Variants in MAP1LC3B observed in about 807,000 individuals in gnomAD.
MAP1LC3B encodes the protein microtubule-associated protein 1 light chain 3 beta.
In MAP1LC3B, 12 loss-of-function variants were observed where a neutral mutation model predicts 16.7. That is an observed-to-expected ratio of 0.72 (90% CI 0.46 to 1.16). The LOEUF (loss-of-function observed/expected upper bound fraction) is 1.16. MAP1LC3B is among the 50% of genes most tolerant of loss of function. MAP1LC3B has a pLI of 0.00. For synonymous variants in MAP1LC3B, 63 were observed against 56.5 expected, an observed-to-expected ratio of 1.11 and a Z score of -0.51; for missense variants, 155 against 159.5, an observed-to-expected ratio of 0.97 and a Z score of 0.15.
chr16:87,403,606 A>G lies in MAP1LC3B; in HGVS notation c.*509A>G, dbSNP rs536064674. 6.5e-6 allele frequency: 1 copy of G among 153,460 alleles called. No individual in the cohort carries two copies. Among genetic ancestry groups the G allele is most frequent in the South Asian group, 2.0e-4 (1 of 4,890 alleles). 9.5% of individuals were successfully genotyped at this position (153,460 alleles called of 1,614,324 possible). On this transcript the variant is annotated 3_prime_UTR_variant, in exon 4 of 4. Coordinates refer to ENST00000268607, the MANE Select transcript of MAP1LC3B (RefSeq NM_022818.5). ...CCCCGCAAAACGCATTTGCCATCAC[A>G]GTTGGCACAAACGCAGGGTAAACGG...
rs191511043 is a variant in MAP1LC3B at position 87,393,006 on chromosome 16, G to A, written c.40+539G>A. 3 of 152,260 alleles carry A rather than the reference G, an allele frequency of 2.0e-5. No homozygotes were observed. In the East Asian group the frequency reaches 5.8e-4, roughly 29 times the overall value. The allele number at this position is 152,260 out of a possible 1,614,324, so 9.4% of individuals were successfully genotyped here. ...GCGAGTGCCTCTTACAGACCTCAGTGCCTCGGTCGAGAGGAGGGGAATGTG... is the reference window on the plus strand; with the variant it reads ...GCGAGTGCCTCTTACAGACCTCAGTACCTCGGTCGAGAGGAGGGGAATGTG... On this transcript the variant is annotated intron_variant, in intron 1 of 3. Coordinates refer to ENST00000268607, the MANE Select transcript of MAP1LC3B (RefSeq NM_022818.5).
rs1908112147 is a variant in MAP1LC3B at position 87,404,577 on chromosome 16, G to C, written c.*1480G>C. The C allele has an allele frequency of 6.6e-6, 1 of 151,942 alleles. No homozygotes were observed. The highest frequency in any genetic ancestry group is 2.4e-5 in the African/African-American group (1 of 41,330). The allele number at this position is 151,942 out of a possible 1,614,324, so 9.4% of individuals were successfully genotyped here. ...ATTCTTAACTGGACTGTCTCGTTTA[G>C]ACTGTATACATCATATCTGACATTA... On this transcript the variant is annotated 3_prime_UTR_variant, in exon 4 of 4. Transcript: ENST00000268607.
At chr16:87,396,421 G>C (rs1469858509) in intron 1 of MAP1LC3B, among the ~76,000 whole-genome samples, 2 of 150,924 alleles carry the variant, frequency 1.3e-5, no homozygotes, top group Non-Finnish European at 2.9e-5. Flanking sequence ...CTTGCAGTGA[G>C]CAGAGATCGC....
At chr16:87,393,045 T>G (rs1057126913) in intron 1 of MAP1LC3B, 2 of 152,358 alleles carry the variant, frequency 1.3e-5, no homozygotes, top group East Asian at 3.9e-4. Context: ...GGCCCCGGCC[T>G]CGCCGCGCCC....
intron 1 of MAP1LC3B, among the ~76,000 whole-genome samples, chr16:87,396,080 C>CT (rs1907791372): frequency 2.6e-5 from 4 of 151,214 alleles, no homozygotes; most frequent in Admixed American, 2.6e-4. Context: ...AGGATGGTCT[C>CT]TAACTCCTGA....
intron 1 of MAP1LC3B, among the ~76,000 whole-genome samples, chr16:87,396,108 G>A (rs1013422964): frequency 6.6e-6 from 1 of 151,250 alleles, no homozygotes; most frequent in Non-Finnish European, 1.5e-5. Flanking sequence ...TGATCCGCCC[G>A]CCTTGGCCTC....
At position 87,403,286 on chromosome 16, in the gene MAP1LC3B, C is replaced by G. The variant is rs1218185408; in HGVS notation, c.*189C>G. 23 of 522,746 alleles carry G rather than the reference C, an allele frequency of 4.4e-5. No individual in the cohort carries two copies. In the East Asian group the frequency reaches 7.2e-4, roughly 16 times the overall value. The allele number at this position is 522,746 out of a possible 1,614,324, so 32.4% of individuals were successfully genotyped here. On this transcript the variant is annotated 3_prime_UTR_variant, in exon 4 of 4. Transcript: ENST00000268607. ...AAACTGAGCTCCAAGTGAGCACATT[C>G]AGCTTTGGAAACTATATTATTTAAT...
chr16:87,404,668 A>G lies in MAP1LC3B; in HGVS notation c.*1571A>G, dbSNP rs1232818960. 2 of 152,226 alleles carry G rather than the reference A, an allele frequency of 1.3e-5. No homozygotes were observed. The highest frequency in any genetic ancestry group is 2.9e-5 in the Non-Finnish European group (2 of 68,046). The allele number at this position is 152,226 out of a possible 1,614,324, so 9.4% of individuals were successfully genotyped here. On this transcript the variant is annotated 3_prime_UTR_variant, in exon 4 of 4. Coordinates refer to ENST00000268607, the MANE Select transcript of MAP1LC3B (RefSeq NM_022818.5). ...ACTGCTTTTTAAGAAAAAAAATAAC[A>G]TGCTGAGGGGTGACCTATATCCCAT...
chr16:87,392,883 G>T (rs1442677789), intron 1 of MAP1LC3B: 1 of 152,048 alleles, frequency 6.6e-6, no homozygotes, highest in Non-Finnish European at 1.5e-5. Context: ...ACAGCCCCCG[G>T]GGCCGCGCTG....
intron 1 of MAP1LC3B, among the ~76,000 whole-genome samples, chr16:87,396,332 G>C (rs999390194): frequency 1.3e-5 from 2 of 151,756 alleles, no homozygotes; most frequent in African/African-American, 4.8e-5. Flanking sequence ...AAAATTAGCC[G>C]GGCGTGGTGG....
In MAP1LC3B at chr16:87,397,615, C is replaced by T. The variant is rs138487685; in HGVS notation, c.41-1200C>T. ...CCTGGGCAACAGAGTGAGACTCTGT[C>T]TCAAAAAAAGAATGATACTAAAATT... On this transcript the variant is annotated intron_variant, in intron 1 of 3. Coordinates refer to ENST00000268607, the MANE Select transcript of MAP1LC3B (RefSeq NM_022818.5). 1.4e-4 allele frequency among the ~76,000 whole-genome samples: 22 copies of T among 152,082 alleles called. No individual in the cohort carries two copies. In the East Asian group the frequency reaches 4.2e-3, roughly 29 times the overall value.
chr16:87,401,101 C>A (rs989738576), intron 2 of MAP1LC3B, among the ~76,000 whole-genome samples: 2 of 132,442 alleles, frequency 1.5e-5, no homozygotes, highest in African/African-American at 5.4e-5. Context: ...CCACTGCATT[C>A]CAGCCTGGGC....
chr16:87,399,371 G>A (rs1907908200), intron 2 of MAP1LC3B: 1 of 268,918 alleles, frequency 3.7e-6, no homozygotes, highest in Admixed American at 5.0e-5. Flanking sequence ...CAGGCAGGTG[G>A]AGCCTACACA....
chr16:87,397,964 C>T (rs748844873), intron 1 of MAP1LC3B, among the ~76,000 whole-genome samples: 2 of 151,796 alleles, frequency 1.3e-5, no homozygotes, highest in Non-Finnish European at 2.9e-5. Context: ...CCTGTATTGC[C>T]CACAGTCTAG....
At chr16:87,395,690 C>G (rs1907773478) in intron 1 of MAP1LC3B, among the ~76,000 whole-genome samples, 1 of 152,176 alleles carries the variant, frequency 6.6e-6, no homozygotes, top group Admixed American at 6.5e-5. Context: ...TTCTTTACAG[C>G]TTAAGGAAGT....
intron 1 of MAP1LC3B, among the ~76,000 whole-genome samples, chr16:87,396,085 T>C (rs1907791548): frequency 6.6e-6 from 1 of 151,508 alleles, no homozygotes; most frequent in African/African-American, 2.4e-5. Context: ...GGTCTCTAAC[T>C]CCTGACCTCA....
chr16:87,396,760 G>C (rs1003509349), intron 1 of MAP1LC3B: 1 of 152,176 alleles, frequency 6.6e-6, no homozygotes, highest in Admixed American at 6.5e-5. Flanking sequence ...AGTAGAGAAG[G>C]AGTCAAAGGA....
chr16:87,398,777 G>A (rs769414387), intron 1 of MAP1LC3B, 38 bp from the exon 2 acceptor site: 3 of 1,599,598 alleles, frequency 1.9e-6, no homozygotes, highest in East Asian at 2.2e-5. Context: ...AAGCTGCCTG[G>A]CCCTTAGTAA....
rs755490080 is a variant in MAP1LC3B, at chr16:87,402,989, C to T, written c.270C>T (p.Ser90=). ...TGGTGAACGGACACAGCATGGTCAGCGTCTCCACACCAATCTCAGAGGTGT... is the reference window on the plus strand; with the variant it reads ...TGGTGAACGGACACAGCATGGTCAGTGTCTCCACACCAATCTCAGAGGTGT... ...FLLVNGHSMV[S]VSTPISEVYE... Residue 90 remains serine (S), a synonymous_variant, in exon 4 of 4, where the codon AGC becomes AGT. Coordinates refer to ENST00000268607, the MANE Select transcript of MAP1LC3B (RefSeq NM_022818.5). The T allele has an allele frequency of 1.5e-5, 24 of 1,613,854 alleles. No homozygotes were observed. The highest frequency in any genetic ancestry group is 2.2e-5 in the South Asian group (2 of 91,082).
Sources: gnomAD v4.1 joint callset for allele counts (sites outside exome capture counted in the v4.1 genomes callset) on GRCh38, gnomAD v4.1.1 for gene constraint, MANE v1.5 for transcripts, NCBI Gene and HGNC (gene_info 2026-07-23, HGNC 2026-07-21) for gene names.